The following NID1 variants were observed in gnomAD, a reference collection of about 807,000 sequenced individuals.
NID1 encodes nidogen 1.
Under a neutral mutation model 130.6 loss-of-function variants are expected in NID1, and 76 were observed. The observed-to-expected ratio is 0.58, with a 90% CI of 0.48 to 0.70. NID1 has a LOEUF of 0.70. NID1 is among the 30% of genes least tolerant of loss of function. The pLI is 0.00. For synonymous variants in NID1, 665 were observed against 675.1 expected (o/e 0.98, Z 0.23); for missense variants, 1,517 against 1,664.8 (o/e 0.91, Z 1.54).
intron 12 of NID1, among the ~76,000 whole-genome samples, chr1:236,004,446 C>T (rs1658184180): frequency 6.6e-6 from 1 of 152,136 alleles, no homozygotes; most frequent in Non-Finnish European, 1.5e-5. Context: ...AGCAGCAAAA[C>T]TGGGAGGGTT....
At position 236,003,987 on chromosome 1, in the gene NID1, T is replaced by C. The variant is rs193011236; in HGVS notation, c.2527+7934A>G. On this transcript the variant is annotated intron_variant, in intron 12 of 19. Coordinates refer to ENST00000264187, the MANE Select transcript of NID1 (RefSeq NM_002508.3). ...GGCAGATGTTGCAGTGAGCAGAGAT[T>C]GCGCCACTGCACTCCAGCCTGAATG... Among the ~76,000 whole-genome samples the C allele has an allele frequency of 4.2e-3, 589 of 141,306 alleles. 3 individuals carry two copies. Among genetic ancestry groups the C allele is most frequent in the African/African-American group, 0.015 (571 of 37,660 alleles). The allele number at this position is 141,306 out of a possible 152,430, so 92.7% of individuals were successfully genotyped here. A position where few individuals can be genotyped will look rare whatever the true frequency, so the allele number is the denominator to read the frequency against.
chr1:236,054,271 C>A (rs1251999934), intron 1 of NID1, among the ~76,000 whole-genome samples: 2 of 152,168 alleles, frequency 1.3e-5, no homozygotes, highest in Non-Finnish European at 1.5e-5. Context: ...GCCCGGCCAA[C>A]ATGGTGAAAC....
chr1:236,003,123 A>G (rs1401202795), intron 12 of NID1, among the ~76,000 whole-genome samples: 1 of 148,340 alleles, frequency 6.7e-6, no homozygotes, highest in Non-Finnish European at 1.5e-5. Flanking sequence ...TGTCACTCCT[A>G]GTGAACGACT....
At chr1:235,978,307 C>A (rs1006615950) in intron 19 of NID1, among the ~76,000 whole-genome samples, 4 of 152,262 alleles carry the variant, frequency 2.6e-5, no homozygotes, top group Admixed American at 2.0e-4. Flanking sequence ...TTTTAAAGTG[C>A]AAAGTTCTTT....
chr1:236,009,257 T>C (rs1321567816), intron 12 of NID1, among the ~76,000 whole-genome samples: 1 of 152,176 alleles, frequency 6.6e-6, no homozygotes, highest in Non-Finnish European at 1.5e-5. Context: ...CTTTCTACCA[T>C]ATAAGGACTT....
chr1:236,013,532 G>A lies in NID1; in HGVS notation c.2283C>T (p.Tyr761=). 1 of 1,614,186 alleles carries A rather than the reference G, an allele frequency of 6.2e-7. No homozygotes were observed. The highest frequency in any genetic ancestry group is 8.5e-7 in the Non-Finnish European group (1 of 1,180,028). ...VAVVDQRPIN[Y]CETGLHNCDI... ...CGCAGTTATGAAGGCCAGTTTCACA[G>A]TAGTTGATGGGGCGCTGGTCCACGA... The change falls in exon 11 of 20, where the codon TAC becomes TAT. Residue 761 remains tyrosine, a synonymous_variant. Coordinates refer to ENST00000264187, the MANE Select transcript of NID1 (RefSeq NM_002508.3).
In NID1 at chr1:235,977,526, T is replaced by A. The variant is rs911565818; in HGVS notation, c.*341A>T. 29 of 197,104 alleles carry A rather than the reference T, an allele frequency of 1.5e-4. No homozygotes were observed. Among genetic ancestry groups the A allele is most frequent in the African/African-American group, 6.5e-4 (28 of 42,950 alleles). The allele number at this position is 197,104 out of a possible 1,614,324, so 12.2% of individuals were successfully genotyped here. A position where few individuals can be genotyped will look rare whatever the true frequency, so the allele number is the denominator to read the frequency against. On this transcript the variant is annotated 3_prime_UTR_variant, in exon 20 of 20. Coordinates refer to ENST00000264187, the MANE Select transcript of NID1 (RefSeq NM_002508.3). ...GCCACAGGGAAGGGTGCAACTCAAA[T>A]TTGGGAGGTTCTGTTCACCACTGGG...
At chr1:235,981,558 A>T in intron 16 of NID1, 53 bp downstream of exon 16, 1 of 1,554,282 alleles carries the variant, frequency 6.4e-7, no homozygotes, top group Non-Finnish European at 8.8e-7. Flanking sequence ...GAGAATCTCT[A>T]AAAGGGCAGA....
intron 12 of NID1, among the ~76,000 whole-genome samples, chr1:235,998,963 GA>G (rs1658003411): frequency 6.6e-6 from 1 of 152,210 alleles, no homozygotes; most frequent in African/African-American, 2.4e-5. Flanking sequence ...GTTCTAACGA[GA>G]ACCTAGGTCT....
At chr1:236,028,825 A>G (rs1465532662) in intron 7 of NID1, among the ~76,000 whole-genome samples, 1 of 152,116 alleles carries the variant, frequency 6.6e-6, no homozygotes, top group Non-Finnish European at 1.5e-5. Flanking sequence ...TTTTCACGTA[A>G]GTTTGATATT....
intron 10 of NID1, among the ~76,000 whole-genome samples, chr1:236,014,518 G>A (rs1293429066): frequency 6.6e-6 from 1 of 152,076 alleles, no homozygotes; most frequent in African/African-American, 2.4e-5. Flanking sequence ...CCATCTTGAG[G>A]CAACAGCACA....
intron 15 of NID1, among the ~76,000 whole-genome samples, chr1:235,982,997 C>A (rs1476955275): frequency 6.6e-6 from 1 of 152,174 alleles, no homozygotes; most frequent in East Asian, 1.9e-4. Flanking sequence ...GCCTCAGCCT[C>A]CCGAGTAGCT....
In NID1 at chr1:235,981,162, G is replaced by A. The variant is rs116368782; in HGVS notation, c.3227+449C>T. Among the ~76,000 whole-genome samples the A allele has an allele frequency of 6.0e-3, 914 of 152,304 alleles. 9 individuals carry two copies. The highest frequency in any genetic ancestry group is 0.021 in the African/African-American group (876 of 41,554). ...GGAACTAAGAGCCTGTTGTGTAAGA[G>A]GTAGAGCTTGCAGTAAGAAGGAAGA... is the stretch of plus-strand genomic sequence containing the variant. On this transcript the variant is annotated intron_variant, in intron 16 of 19. Transcript: ENST00000264187.
intron 1 of NID1, among the ~76,000 whole-genome samples, chr1:236,063,402 G>A (rs1294027918): frequency 2.0e-5 from 3 of 150,576 alleles, no homozygotes; most frequent in African/African-American, 2.4e-5. Context: ...AACCCAGGAG[G>A]TGGAGGTTGC....
At chr1:236,029,433 G>C (rs1345648199) in intron 7 of NID1, 117 bp downstream of exon 7, 2 of 940,460 alleles carry the variant, frequency 2.1e-6, no homozygotes, top group Non-Finnish European at 3.2e-6. Flanking sequence ...GTAAGGCCCG[G>C]TGTATTTCCC....
In NID1 at chr1:235,985,259, C is replaced by T. The variant is rs75206110; in HGVS notation, c.3055+120G>A. 32 of 1,072,058 alleles carry T rather than the reference C, an allele frequency of 3.0e-5. No individual in the cohort carries two copies. In the African/African-American group the frequency reaches 4.8e-4, roughly 16 times the overall value. 66.4% of individuals were successfully genotyped at this position (1,072,058 alleles called of 1,614,324 possible). ...TACACACTTTATCGTAGTAATGCAA[C>T]AAAAGACTGAGAAATGTTTGTGAAA... On this transcript the variant is annotated intron_variant, in intron 15 of 19. Transcript: ENST00000264187.
chr1:235,990,211 T>C (rs566027324), intron 14 of NID1, among the ~76,000 whole-genome samples: 3 of 152,012 alleles, frequency 2.0e-5, no homozygotes, highest in East Asian at 1.9e-4. Flanking sequence ...GAAAACACAA[T>C]GGGTAGAGAA....
intron 9 of NID1, 108 bp downstream of exon 9, chr1:236,023,962 A>T: frequency 7.0e-7 from 1 of 1,421,668 alleles, no homozygotes. Context: ...ACCAGTATTT[A>T]TCTCATCCGT....
intron 14 of NID1, among the ~76,000 whole-genome samples, chr1:235,986,219 A>G (rs999540774): frequency 6.6e-6 from 1 of 152,212 alleles, no homozygotes; most frequent in African/African-American, 2.4e-5. Flanking sequence ...GAAGGTGATA[A>G]AGAAAAAGAA....
Sources: gnomAD v4.1 joint callset for allele counts (sites outside exome capture counted in the v4.1 genomes callset) on GRCh38, gnomAD v4.1.1 for gene constraint, MANE v1.5 for transcripts, NCBI Gene and HGNC (gene_info 2026-07-23, HGNC 2026-07-21) for gene names.